The following PACS2 variants were observed in gnomAD, a reference collection of about 807,000 sequenced individuals.
PACS2 encodes PACS1-like protein.
Under a neutral mutation model 113.0 loss-of-function variants are expected in PACS2, and 36 were observed. The observed-to-expected ratio is 0.32, with a 90% CI of 0.24 to 0.42. The LOEUF (loss-of-function observed/expected upper bound fraction) is 0.42. PACS2 is among the 10% of genes least tolerant of loss of function. The probability of loss-of-function intolerance (pLI) is 1.00; values close to 1 mark genes in which losing one functional copy is unlikely to be tolerated. For synonymous variants in PACS2, 589 were observed against 536.1 expected, an observed-to-expected ratio of 1.10 and a Z score of -1.36; for missense variants, 1,015 against 1,239.5, an observed-to-expected ratio of 0.82 and a Z score of 2.72.
intron 6 of PACS2, 149 bp downstream of exon 6, chr14:105,368,296 C>T (rs1407613383): frequency 2.9e-5 from 24 of 821,240 alleles, no homozygotes; most frequent in African/African-American, 1.9e-4. Context: ...TCTCGTCTCC[C>T]GACCCCAGGG....
At chr14:105,370,833 TACA>T (rs1466458198) in intron 8 of PACS2, 2 of 152,240 alleles carry the variant, frequency 1.3e-5, no homozygotes, top group Non-Finnish European at 2.9e-5. Context: ...GTGGTGGGAT[TACA>T]GGCGTGAGCC....
chr14:105,301,605 C>T (rs1415548899), intron 1 of PACS2, among the ~76,000 whole-genome samples: 1 of 152,228 alleles, frequency 6.6e-6, no homozygotes, highest in African/African-American at 2.4e-5. Flanking sequence ...TTGCGGCGTC[C>T]GCCGCTCCGC....
intron 8 of PACS2, 113 bp downstream of exon 8, chr14:105,370,013 T>TGCACGGCCCCGCCAGCATC: frequency 2.2e-6 from 2 of 925,366 alleles, no homozygotes; most frequent in Non-Finnish European, 3.3e-6. Flanking sequence ...GCTCACCGTC[T>TGCACGGCCCCGCCAGCATC]GCACGGCCCC....
At chr14:105,331,244 C>A (rs587661522) in intron 1 of PACS2, among the ~76,000 whole-genome samples, 5 of 152,108 alleles carry the variant, frequency 3.3e-5, no homozygotes, top group Non-Finnish European at 7.4e-5. Flanking sequence ...CATGAGCCAC[C>A]GTGCCCAGCC....
chr14:105,354,990 G>A lies in PACS2; in HGVS notation c.298-62G>A, dbSNP rs979333012. The A allele has an allele frequency of 3.2e-6, 5 of 1,575,408 alleles. No individual in the cohort carries two copies. Among genetic ancestry groups the A allele is most frequent in the South Asian group, 2.3e-5 (2 of 87,126 alleles). ...GCTGCAGGGTGGCTGGGCCGTCAGA[G>A]GCCGTGATGCTGCCTGGGGCCCCGG... On this transcript the variant is annotated intron_variant, in intron 3 of 24. Transcript: ENST00000447393. This position sits in a 1 kb window ranked among gnomAD's most constrained non-coding sequence, Gnocchi z 4.2.
At chr14:105,333,139 A>G (rs1441032294) in intron 1 of PACS2, among the ~76,000 whole-genome samples, 1 of 152,102 alleles carries the variant, frequency 6.6e-6, no homozygotes, top group Non-Finnish European at 1.5e-5. Context: ...ACACGTGCAC[A>G]CACACACCCA....
Position 105,340,681 on chromosome 14 carries a change from G to A in PACS2, c.120-7812G>A, listed in dbSNP as rs1240428870. The stretch of plus-strand genomic sequence containing the variant: ...TTGGGGACCTCTGGTCTACAGCACA[G>A]GTGACTTTTCTGTACCAGAGCTAGG... On this transcript the variant is annotated intron_variant, in intron 1 of 24. Transcript: ENST00000447393. This position sits in a 1 kb window ranked among gnomAD's most constrained non-coding sequence, Gnocchi z 4.2. 6.6e-6 allele frequency among the ~76,000 whole-genome samples: 1 copy of A among 152,234 alleles called. No homozygotes were observed. Among genetic ancestry groups the A allele is most frequent in the African/African-American group, 2.4e-5 (1 of 41,466 alleles).
At chr14:105,362,311 G>A (rs187686108) in intron 4 of PACS2, among the ~76,000 whole-genome samples, 2,457 of 149,864 alleles carry the variant, frequency 0.016, 44 homozygotes, top group South Asian at 0.087. Flanking sequence ...CCAGCTACTC[G>A]GGAGGCTGAG....
intron 1 of PACS2, among the ~76,000 whole-genome samples, chr14:105,337,328 G>A (rs989134763): frequency 2.6e-5 from 4 of 152,226 alleles, no homozygotes; most frequent in East Asian, 1.9e-4. Context: ...TTTCAGTTGC[G>A]CAAGGTGAAG....
intron 1 of PACS2, among the ~76,000 whole-genome samples, chr14:105,334,094 G>A (rs1026016253): frequency 6.6e-6 from 1 of 152,076 alleles, no homozygotes; most frequent in Non-Finnish European, 1.5e-5. Context: ...GCCCTGTCTG[G>A]TCTAGAGCCT....
chr14:105,341,682 A>G (rs1555401620), intron 1 of PACS2, among the ~76,000 whole-genome samples: 1 of 152,240 alleles, frequency 6.6e-6, no homozygotes, highest in African/African-American at 2.4e-5. Flanking sequence ...TCTGAATGCA[A>G]ATGATTCTTT....
At chr14:105,353,593 C>T (rs782299674) in intron 3 of PACS2, among the ~76,000 whole-genome samples, 42 of 151,714 alleles carry the variant, frequency 2.8e-4, no homozygotes, top group Admixed American at 2.4e-3. Flanking sequence ...TTTGTTTTTT[C>T]TTTGTTTTTT....
At chr14:105,318,635 A>T (rs1232465447) in intron 1 of PACS2, among the ~76,000 whole-genome samples, 3 of 143,008 alleles carry the variant, frequency 2.1e-5, no homozygotes, top group Non-Finnish European at 4.5e-5. Context: ...TTTTTATTTT[A>T]TTTATTTATT....
At chr14:105,369,149 G>A (rs1209047997) in intron 7 of PACS2, among the ~76,000 whole-genome samples, 3 of 152,346 alleles carry the variant, frequency 2.0e-5, no homozygotes, top group Non-Finnish European at 4.4e-5. Context: ...CCCGGACACC[G>A]CCGCCTCCTC....
At chr14:105,390,951 T>C (rs2081336125) in intron 20 of PACS2, 3 of 556,752 alleles carry the variant, frequency 5.4e-6, no homozygotes, top group South Asian at 2.2e-5. Flanking sequence ...GCAGCTGCCC[T>C]GAGGGCCGAC....
chr14:105,375,327 AAGT>A (rs2061314084), intron 8 of PACS2, among the ~76,000 whole-genome samples: 1 of 151,776 alleles, frequency 6.6e-6, no homozygotes, highest in South Asian at 2.1e-4. Context: ...AAAATACAAA[AAGT>A]AGCCGGGCGT....
intron 8 of PACS2, chr14:105,374,609 C>T (rs1192952382): frequency 3.3e-5 from 5 of 152,232 alleles, no homozygotes; most frequent in Non-Finnish European, 1.5e-5. Context: ...AGGAAGCCGC[C>T]TCGTGGCCAC....
Position 105,367,209 on chromosome 14 carries a change from G to A in PACS2, c.424-4G>A, listed in dbSNP as rs782028689. The A allele has an allele frequency of 2.5e-6, 4 of 1,612,248 alleles. No homozygotes were observed. The highest frequency in any genetic ancestry group is 2.7e-5 in the African/African-American group (2 of 74,928). ...CTTTCTAGAACCGTGCCCCTGGCCT[G>A]CAGGTGATGCAACACCCGTCTGAAG... On this transcript the variant is annotated splice_polypyrimidine_tract_variant and splice_region_variant and intron_variant, in intron 4 of 24. Coordinates refer to ENST00000447393, the MANE Select transcript of PACS2 (RefSeq NM_001100913.3).
intron 1 of PACS2, among the ~76,000 whole-genome samples, chr14:105,316,716 G>A (rs753752152): frequency 2.0e-5 from 3 of 152,132 alleles, no homozygotes; most frequent in Non-Finnish European, 2.9e-5. Context: ...TGGGTAGGGC[G>A]GGTTTCGAGA....
Sources: allele counts gnomAD v4.1 joint callset (sites outside exome capture counted in the v4.1 genomes callset), GRCh38; gene constraint gnomAD v4.1.1; non-coding constraint Gnocchi (gnomAD v3.1); transcripts MANE v1.5; gene names NCBI Gene and HGNC (gene_info 2026-07-23, HGNC 2026-07-21).